The following NUP85 variants were observed in gnomAD, a reference collection of about 807,000 sequenced individuals.
NUP85 encodes the protein nucleoporin 85.
In NUP85, 23 loss-of-function variants were observed where a neutral mutation model predicts 92.8. The ratio of observed to expected loss-of-function variants is 0.25; its 90% confidence interval spans 0.18 to 0.35. The LOEUF (loss-of-function observed/expected upper bound fraction) is 0.35, where lower values mean the gene tolerates loss of function less well. Ranked by LOEUF, NUP85 falls within the 10% of genes least tolerant of loss-of-function variation. The probability of loss-of-function intolerance (pLI) is 1.00; values close to 1 mark genes in which losing one functional copy is unlikely to be tolerated. For synonymous variants in NUP85, 314 were observed against 306.9 expected (o/e 1.02, Z -0.24); for missense variants, 759 against 822.8 (o/e 0.92, Z 0.95).
At position 75,231,022 on chromosome 17, in the gene NUP85, C is replaced by T; in HGVS notation, c.1095-318C>T. 1 of 298,332 alleles carries T rather than the reference C, an allele frequency of 3.4e-6. No homozygotes were observed. Among genetic ancestry groups the T allele is most frequent in the South Asian group, 3.5e-5 (1 of 28,944 alleles). The allele number at this position is 298,332 out of a possible 1,614,324, so 18.5% of individuals were successfully genotyped here. A position where few individuals can be genotyped will look rare whatever the true frequency, so the allele number is the denominator to read the frequency against. On this transcript the variant is annotated intron_variant, in intron 11 of 18. Coordinates refer to ENST00000245544, the MANE Select transcript of NUP85 (RefSeq NM_024844.5). This position sits in a 1 kb window ranked among gnomAD's most constrained non-coding sequence, Gnocchi z 4.6. ...TCTCGGCCGATTGCAGCCTCTGCTT[C>T]CCAGGCTCAAGCAATACTCCCACCC...
At chr17:75,227,577 G>A (rs1179866855) in intron 11 of NUP85, among the ~76,000 whole-genome samples, 4 of 151,876 alleles carry the variant, frequency 2.6e-5, no homozygotes, top group African/African-American at 9.7e-5. Flanking sequence ...CTGACCTCAG[G>A]TCATCTGCCC....
At position 75,226,123 on chromosome 17, in the gene NUP85, G is replaced by C; in HGVS notation, c.1060G>C (p.Glu354Gln). 1 of 1,614,074 alleles carries C rather than the reference G, an allele frequency of 6.2e-7. No homozygotes were observed. The highest frequency in any genetic ancestry group is 2.2e-5 in the East Asian group (1 of 44,874). ...PLDNILLAAF[E>Q]FDIHQVIKEC... ...GGACAACATCTTGTTGGCAGCCTTT[G>C]AGTTTGACATCCATCAAGTAATCAA... The change falls in exon 11 of 19, where the codon GAG becomes CAG. Residue 354 changes from glutamate (E) to glutamine (Q), a missense_variant. Glu to Gln is a conservative substitution (Grantham distance 29, BLOSUM62 2). Transcript: ENST00000245544.
At position 75,211,999 on chromosome 17, in the gene NUP85, C is replaced by T. The variant is rs771354739; in HGVS notation, c.298C>T (p.Arg100Ter). 4 of 1,612,178 alleles carry T rather than the reference C, an allele frequency of 2.5e-6. No homozygotes were observed. The highest frequency in any genetic ancestry group is 1.1e-5 in the South Asian group (1 of 90,842). Residue 100 changes from arginine (R) to a stop codon, truncating the protein, a stop_gained, in exon 4 of 19, where the codon CGA becomes TGA. Transcript: ENST00000245544. LOFTEE classifies it high-confidence loss of function. ...TGKSRKSQLV[R>*]VSKNYRSVIR... The stretch of plus-strand genomic sequence containing the variant: ...TTATTTCATTTTTTGTAGATTGGTT[C>T]GAGTGAGTAAAAACTACCGATCAGT...
intron 7 of NUP85, among the ~76,000 whole-genome samples, chr17:75,224,055 TG>T (rs1309229906): frequency 2.0e-5 from 3 of 151,882 alleles, no homozygotes; most frequent in Non-Finnish European, 4.4e-5. Context: ...TGTTTTGTTT[TG>T]TTTTTTTGAG....
intron 7 of NUP85, among the ~76,000 whole-genome samples, chr17:75,220,105 C>T (rs1261666127): frequency 2.0e-5 from 3 of 152,072 alleles, no homozygotes; most frequent in African/African-American, 7.2e-5. Context: ...TCCAGCTCTG[C>T]CTTTTACTAG....
At chr17:75,230,742 G>T (rs571667688) in intron 11 of NUP85, among the ~76,000 whole-genome samples, 2 of 152,130 alleles carry the variant, frequency 1.3e-5, no homozygotes, top group South Asian at 4.1e-4. Context: ...TTTGGTGTGC[G>T]TGTGGTGAGA....
chr17:75,209,919 C>A lies in NUP85; in HGVS notation c.224C>A (p.Ser75Tyr). The change falls in exon 3 of 19, where the codon TCC (serine) becomes TAC (tyrosine). Residue 75 changes from serine (S) to tyrosine (Y), a missense_variant. Physicochemically the swap from Ser to Tyr is moderately radical, Grantham distance 144. Coordinates refer to ENST00000245544, the MANE Select transcript of NUP85 (RefSeq NM_024844.5). ...ATCTTGAGAAAACTCTTCAATGAAT[C>A]CCATGGAATCTTTCTGGGCCTCCAG... ...SQILRKLFNESHGIFLGLQRI... is the reference protein window; with the variant it reads ...SQILRKLFNEYHGIFLGLQRI... The A allele has an allele frequency of 6.3e-7, 1 of 1,585,022 alleles. No homozygotes were observed. The highest frequency in any genetic ancestry group is 2.3e-5 in the East Asian group (1 of 43,950).
intron 6 of NUP85, among the ~76,000 whole-genome samples, chr17:75,216,600 G>C (rs1475365124): frequency 6.6e-6 from 1 of 152,152 alleles, no homozygotes; most frequent in Non-Finnish European, 1.5e-5. Flanking sequence ...GGTCAGTATA[G>C]TGTCATGGCC....
chr17:75,235,166 C>A lies in NUP85; in HGVS notation c.1834C>A (p.Pro612Thr). 1 of 1,614,096 alleles carries A rather than the reference C, an allele frequency of 6.2e-7. No individual in the cohort carries two copies. The highest frequency in any genetic ancestry group is 8.5e-7 in the Non-Finnish European group (1 of 1,179,974). ...RCLEDLTSRR[P>T]VHGESDTEQL... The stretch of plus-strand genomic sequence containing the variant: ...TCTGGAGGACTTGACGTCAAGAAGA[C>A]CTGTGCATGGAGAATCTGATACCGA... The change falls in exon 18 of 19, where the codon CCT (proline) becomes ACT (threonine). Residue 612 changes from proline to threonine, a missense_variant. Pro to Thr is a conservative substitution (Grantham distance 38). Transcript: ENST00000245544.
rs1486614541 is a variant in NUP85 at position 75,235,185 on chromosome 17, A to G, written c.1853A>G (p.Asp618Gly). The G allele has an allele frequency of 6.8e-6, 11 of 1,613,428 alleles. No homozygotes were observed. The Admixed American group carries it at 1.2e-4, about 17-fold the overall frequency. Residue 618 changes from aspartate to glycine, a missense_variant, in exon 18 of 19, where the codon GAT becomes GGT. Transcript: ENST00000245544. ...TSRRPVHGES[D>G]TEQLQDDDIE... ...AGAAGACCTGTGCATGGAGAATCTG[A>G]TACCGAGCAGCTCCAGGTCATTTTC...
At chr17:75,210,034 G>A in intron 3 of NUP85, 49 bp downstream of exon 3, 1 of 1,536,332 alleles carries the variant, frequency 6.5e-7, no homozygotes, top group Non-Finnish European at 8.8e-7. Flanking sequence ...ACTGTGGAAA[G>A]CCAAATGAAG....
intron 14 of NUP85, among the ~76,000 whole-genome samples, chr17:75,232,328 G>A (rs1350032791): frequency 6.6e-6 from 1 of 152,218 alleles, no homozygotes; most frequent in Non-Finnish European, 1.5e-5. Flanking sequence ...GGGAAGCAGT[G>A]CTGGAGGTGG....
intron 1 of NUP85, 100 bp downstream of exon 1, chr17:75,205,894 C>G: frequency 7.3e-7 from 1 of 1,369,590 alleles, no homozygotes; most frequent in Non-Finnish European, 1.0e-6. Context: ...TCGCGAGGCG[C>G]TCGTCCCCTT....
intron 16 of NUP85, 113 bp downstream of exon 16, chr17:75,233,271 C>T: frequency 1.3e-6 from 1 of 793,278 alleles, no homozygotes; most frequent in South Asian, 1.6e-5. Flanking sequence ...CCCATTGCAT[C>T]AGTGGTCCCA....
chr17:75,210,015 C>G, intron 3 of NUP85, 30 bp downstream of exon 3: 5 of 1,574,658 alleles, frequency 3.2e-6, no homozygotes, highest in Non-Finnish European at 3.4e-6. Flanking sequence ...GTGTTGAAGC[C>G]CACACTACAC....
rs114579667 is a variant in NUP85 at position 75,226,293 on chromosome 17, T to C, written c.1094+136T>C. 766 of 653,644 alleles carry C rather than the reference T, an allele frequency of 1.2e-3. 5 individuals are homozygous for C. The African/African-American group carries it at 0.012, about 10-fold the overall frequency. 40.5% of individuals were successfully genotyped at this position (653,644 alleles called of 1,614,324 possible). A position where few individuals can be genotyped will look rare whatever the true frequency, so the allele number is the denominator to read the frequency against. ...TATCTTAGTCCATCTCACGCTGATATTACAGAATACCTGAGACCAGATAAT... is the reference window on the plus strand; with the variant it reads ...TATCTTAGTCCATCTCACGCTGATACTACAGAATACCTGAGACCAGATAAT... On this transcript the variant is annotated intron_variant, in intron 11 of 18. Transcript: ENST00000245544.
chr17:75,226,917 T>C (rs2075819290), intron 11 of NUP85: 3 of 294,002 alleles, frequency 1.0e-5, no homozygotes, highest in African/African-American at 4.3e-5. Context: ...CTGGGTATTA[T>C]TCAGAATTTC....
At chr17:75,215,252 G>T (rs916609195) in intron 5 of NUP85, among the ~76,000 whole-genome samples, 12 of 152,102 alleles carry the variant, frequency 7.9e-5, no homozygotes, top group Non-Finnish European at 1.8e-4. Flanking sequence ...TCTCGCTCTT[G>T]CCCAGGCTGG....
intron 2 of NUP85, 75 bp from the exon 3 acceptor site, chr17:75,209,748 A>G: frequency 1.5e-6 from 2 of 1,338,374 alleles, no homozygotes; most frequent in African/African-American, 3.0e-5. Context: ...GGCCACAGAA[A>G]ATTTTTTTAG....
Sources: allele counts gnomAD v4.1 joint callset (sites outside exome capture counted in the v4.1 genomes callset), GRCh38; gene constraint gnomAD v4.1.1; non-coding constraint Gnocchi (gnomAD v3.1); transcripts MANE v1.5; gene names NCBI Gene and HGNC (gene_info 2026-07-23, HGNC 2026-07-21).